The following CA10 variants were observed in gnomAD, a reference collection of about 807,000 sequenced individuals.
CA10 encodes carbonic anhydrase-related protein 10.
A neutral mutation model predicts 44.2 loss-of-function variants in CA10; 14 were observed. The ratio of observed to expected loss-of-function variants is 0.32; its 90% CI spans 0.21 to 0.50. CA10 has a LOEUF of 0.50. Among genes scored for constraint, CA10 ranks in the 20% least tolerant of loss-of-function variants. The pLI is 0.99. For synonymous variants in CA10, 159 were observed against 141.6 expected, an observed-to-expected ratio of 1.12 and a Z score of -0.87; for missense variants, 350 against 409.7, an observed-to-expected ratio of 0.85 and a Z score of 1.26.
At chr17:51,881,242 GAAAAA>G (rs11423498) in intron 3 of CA10, among the ~76,000 whole-genome samples, 2 of 123,734 alleles carry the variant, frequency 1.6e-5, no homozygotes, top group Non-Finnish European at 3.2e-5. Context: ...TCCGTCTCAA[GAAAAA>G]AAAAAAAAAA....
chr17:52,097,580 A>C (rs1424087487), intron 1 of CA10, among the ~76,000 whole-genome samples: 1 of 152,218 alleles, frequency 6.6e-6, no homozygotes, highest in African/African-American at 2.4e-5. Context: ...GTTGACACGG[A>C]ATAAGTCTGA....
At chr17:51,700,877 T>C (rs1915576183) in intron 4 of CA10, among the ~76,000 whole-genome samples, 2 of 151,998 alleles carry the variant, frequency 1.3e-5, no homozygotes, top group Admixed American at 6.5e-5. Flanking sequence ...TGAGAACACA[T>C]GGACACAGGG....
intron 1 of CA10, among the ~76,000 whole-genome samples, chr17:52,097,239 G>A (rs1003909089): frequency 2.0e-5 from 3 of 152,088 alleles, no homozygotes; most frequent in Non-Finnish European, 4.4e-5. Context: ...GCCACAGTTG[G>A]TATAATCACA....
At chr17:51,906,031 G>A (rs1981535708) in intron 3 of CA10, among the ~76,000 whole-genome samples, 1 of 152,058 alleles carries the variant, frequency 6.6e-6, no homozygotes, top group Non-Finnish European at 1.5e-5. Flanking sequence ...CTTGCGTGGA[G>A]GAGGACTTGA....
chr17:51,736,943 C>A (rs926249474), intron 4 of CA10, among the ~76,000 whole-genome samples: 1 of 152,176 alleles, frequency 6.6e-6, no homozygotes, highest in Non-Finnish European at 1.5e-5. Context: ...GAGAAATAGG[C>A]TCCTGTCTCA....
At chr17:51,746,370 A>G (rs763988778) in intron 4 of CA10, among the ~76,000 whole-genome samples, 2 of 152,254 alleles carry the variant, frequency 1.3e-5, no homozygotes, top group Non-Finnish European at 2.9e-5. Context: ...TAGAAGGCTC[A>G]AGTAACATCC....
chr17:51,762,707 T>G (rs1025957303), intron 3 of CA10: 5 of 152,064 alleles, frequency 3.3e-5, no homozygotes, highest in Non-Finnish European at 4.4e-5. Flanking sequence ...TATCTCTGAG[T>G]CACAAATAAG....
At chr17:52,113,107 A>G (rs79323472) in intron 1 of CA10, among the ~76,000 whole-genome samples, 58 of 152,312 alleles carry the variant, frequency 3.8e-4, no homozygotes, top group African/African-American at 1.4e-3. Flanking sequence ...TTTAGAATCA[A>G]TTAGAGGTTC....
intron 1 of CA10, among the ~76,000 whole-genome samples, chr17:52,108,756 CG>C (rs1430725004): frequency 6.8e-6 from 1 of 146,182 alleles, no homozygotes; most frequent in Non-Finnish European, 1.5e-5. Context: ...TTGAGGACTT[CG>C]GGGGAAGAGT....
At chr17:52,090,067 T>C (rs1189709444) in intron 1 of CA10, among the ~76,000 whole-genome samples, 2 of 152,158 alleles carry the variant, frequency 1.3e-5, no homozygotes, top group African/African-American at 4.8e-5. Flanking sequence ...ATAGGTATAG[T>C]TGTAAACAAA....
chr17:51,700,361 A>T (rs1915551337), intron 4 of CA10, among the ~76,000 whole-genome samples: 1 of 152,174 alleles, frequency 6.6e-6, no homozygotes, highest in South Asian at 2.1e-4. Flanking sequence ...CACTCAGAGC[A>T]AGAGCAGAAT....
intron 4 of CA10, among the ~76,000 whole-genome samples, chr17:51,700,113 T>C (rs1216460372): frequency 6.6e-6 from 1 of 152,168 alleles, no homozygotes; most frequent in Non-Finnish European, 1.5e-5. Flanking sequence ...CAGAGAGAAC[T>C]AGACTGGGAA....
chr17:52,144,933 A>G (rs958873840), intron 1 of CA10, among the ~76,000 whole-genome samples: 5 of 152,218 alleles, frequency 3.3e-5, no homozygotes, highest in Non-Finnish European at 4.4e-5. Context: ...AAATGAGGAT[A>G]CTGACACTTA....
intron 2 of CA10, among the ~76,000 whole-genome samples, chr17:51,966,088 G>A (rs1984068227): frequency 6.6e-6 from 1 of 151,694 alleles, no homozygotes; most frequent in South Asian, 2.1e-4. Flanking sequence ...CAAGCTGAGA[G>A]CCAAATCAAG....
intron 3 of CA10, among the ~76,000 whole-genome samples, chr17:51,783,960 G>C (rs962269178): frequency 6.6e-6 from 1 of 152,110 alleles, no homozygotes; most frequent in African/African-American, 2.4e-5. Flanking sequence ...CTGCCTACTG[G>C]GCTCCTTGAA....
chr17:51,885,997 C>T (rs1980582181), intron 3 of CA10, among the ~76,000 whole-genome samples: 1 of 152,138 alleles, frequency 6.6e-6, no homozygotes, highest in African/African-American at 2.4e-5. Context: ...AAACAAAAGC[C>T]TTCGAGAAAA....
At chr17:52,076,228 G>A (rs947224890) in intron 1 of CA10, among the ~76,000 whole-genome samples, 1 of 152,126 alleles carries the variant, frequency 6.6e-6, no homozygotes, top group Non-Finnish European at 1.5e-5. Flanking sequence ...TATCTAGAAG[G>A]AAGAAGAAAG....
chr17:51,980,617 C>T (rs1984621720), intron 2 of CA10, among the ~76,000 whole-genome samples: 1 of 151,982 alleles, frequency 6.6e-6, no homozygotes, highest in African/African-American at 2.4e-5. Flanking sequence ...GATGGTATTG[C>T]CTAGGTTGTC....
intron 2 of CA10, among the ~76,000 whole-genome samples, chr17:52,036,701 C>T (rs572319045): frequency 1.3e-5 from 2 of 152,248 alleles, no homozygotes; most frequent in East Asian, 3.9e-4. Flanking sequence ...TGTCTTCTTC[C>T]AAACATAGGG....
Sources: allele counts gnomAD v4.1 joint callset (sites outside exome capture counted in the v4.1 genomes callset), GRCh38; gene constraint gnomAD v4.1.1; transcripts MANE v1.5; gene names NCBI Gene and HGNC (gene_info 2026-07-23, HGNC 2026-07-21).